Variants in PTPRA observed in about 807,000 individuals in gnomAD.
The protein encoded by PTPRA is protein tyrosine phosphatase receptor type A.
In PTPRA, 25 loss-of-function variants were observed where a neutral mutation model predicts 104.8. The observed-to-expected ratio is 0.24, with a 90% CI of 0.17 to 0.33. The LOEUF is 0.33. Ranked by LOEUF, PTPRA falls within the 10% of genes least tolerant of loss-of-function variation. The pLI, the probability that PTPRA is intolerant of heterozygous loss-of-function variation, is 1.00. For missense variants in PTPRA, 765 were observed against 1,015.3 expected (o/e 0.75, Z 3.35); for synonymous variants, 323 against 368.9 (o/e 0.88, Z 1.43).
At chr20:3,016,976 TTTA>T (rs1167280727) in intron 12 of PTPRA, among the ~76,000 whole-genome samples, 2 of 152,156 alleles carry the variant, frequency 1.3e-5, no homozygotes, top group East Asian at 1.9e-4. Context: ...GGTTAAGGTA[TTTA>T]TTATTATTAT....
intron 5 of PTPRA, among the ~76,000 whole-genome samples, chr20:2,970,788 C>A (rs1568675731): frequency 6.6e-6 from 1 of 151,386 alleles, no homozygotes; most frequent in East Asian, 1.9e-4. Context: ...TAATTTTCTT[C>A]TGGACTTCTA....
intron 3 of PTPRA, among the ~76,000 whole-genome samples, chr20:2,961,530 A>G (rs945400444): frequency 2.6e-5 from 4 of 152,274 alleles, no homozygotes; most frequent in African/African-American, 4.8e-5. Flanking sequence ...TGTCAGATCT[A>G]TCTTTTGCAA....
At chr20:2,956,431 A>G (rs1222517482) in intron 3 of PTPRA, among the ~76,000 whole-genome samples, 5 of 147,666 alleles carry the variant, frequency 3.4e-5, no homozygotes, top group Non-Finnish European at 7.4e-5. Context: ...CATGTCTGCC[A>G]TTTTTACATT....
chr20:3,027,275 A>G (rs1048509053), intron 19 of PTPRA, 78 bp downstream of exon 19: 3 of 1,366,378 alleles, frequency 2.2e-6, no homozygotes, highest in South Asian at 1.2e-5. Context: ...TCCCTCCCAT[A>G]CCTGCTGGGG....
intron 9 of PTPRA, among the ~76,000 whole-genome samples, chr20:2,998,276 G>A (rs1378235750): frequency 6.6e-6 from 1 of 151,778 alleles, no homozygotes. Flanking sequence ...GTCAGAATCT[G>A]TGCGATGTGA....
At position 2,913,754 on chromosome 20, in the gene PTPRA, G is replaced by A. The variant is rs565989119; in HGVS notation, c.-128-9453G>A. 7.9e-5 allele frequency among the ~76,000 whole-genome samples: 12 copies of A among 152,212 alleles called. No homozygotes were observed. In the East Asian group the frequency reaches 2.3e-3, roughly 29 times the overall value. Reference sequence around the variant, plus strand: ...TGGTCACTTGATTAAGATTGTGTCTGCCAGTTTTCTCTACCATACATTTAA... The same window carrying A: ...TGGTCACTTGATTAAGATTGTGTCTACCAGTTTTCTCTACCATACATTTAA... On this transcript the variant is annotated intron_variant, in intron 1 of 23. Coordinates refer to ENST00000399903, the MANE Select transcript of PTPRA (RefSeq NM_001385305.1).
chr20:2,874,537 G>A (rs1568634707), intron 1 of PTPRA, among the ~76,000 whole-genome samples: 1 of 152,168 alleles, frequency 6.6e-6, no homozygotes, highest in Non-Finnish European at 1.5e-5. Flanking sequence ...CCTTTGCTCA[G>A]GAGAGGGATT....
At chr20:2,921,575 C>T (rs1050916812) in intron 1 of PTPRA, among the ~76,000 whole-genome samples, 1 of 151,298 alleles carries the variant, frequency 6.6e-6, no homozygotes, top group Non-Finnish European at 1.5e-5. Context: ...ACTCTTTTTT[C>T]CCCCCAGTGA....
rs1364265944 is a variant in PTPRA at position 2,888,228 on chromosome 20, C to T, written c.-129+14468C>T. On this transcript the variant is annotated intron_variant, in intron 1 of 23. Coordinates refer to ENST00000399903, the MANE Select transcript of PTPRA (RefSeq NM_001385305.1). Reference sequence around the variant, plus strand: ...TGTGAACCCCTAAATCAGTGATTCTCAATATGACTGACATGGTGGGGAAGA... The same window carrying T: ...TGTGAACCCCTAAATCAGTGATTCTTAATATGACTGACATGGTGGGGAAGA... Among the ~76,000 whole-genome samples, 4 of 152,092 alleles carry T rather than the reference C, an allele frequency of 2.6e-5. 1 individual carries two copies. The highest frequency in any genetic ancestry group is 5.9e-5 in the Non-Finnish European group (4 of 68,030).
At chr20:3,029,907 C>T (rs1045320374) in intron 20 of PTPRA, among the ~76,000 whole-genome samples, 1 of 152,148 alleles carries the variant, frequency 6.6e-6, no homozygotes, top group African/African-American at 2.4e-5. Context: ...AGGAAGCACA[C>T]ACCTGAGTAA....
intron 3 of PTPRA, among the ~76,000 whole-genome samples, chr20:2,958,034 A>G (rs1421583683): frequency 1.3e-5 from 2 of 152,132 alleles, no homozygotes; most frequent in Non-Finnish European, 2.9e-5. Context: ...GTGTAAAAGA[A>G]GAACAGTGTA....
intron 6 of PTPRA, among the ~76,000 whole-genome samples, chr20:2,980,509 C>G (rs1215414021): frequency 6.6e-6 from 1 of 151,780 alleles, no homozygotes; most frequent in African/African-American, 2.4e-5. Context: ...AAGATCACGC[C>G]AGTGCACTTC....
intron 2 of PTPRA, among the ~76,000 whole-genome samples, chr20:2,932,743 C>G (rs1419522649): frequency 2.6e-5 from 4 of 152,122 alleles, no homozygotes; most frequent in Non-Finnish European, 5.9e-5. Context: ...GTGTGATACT[C>G]CTAAGCAGTA....
intron 18 of PTPRA, 99 bp from the exon 19 acceptor site, chr20:3,027,022 C>G: frequency 1.5e-6 from 2 of 1,304,874 alleles, no homozygotes; most frequent in Non-Finnish European, 2.2e-6. Context: ...CCTTGCCCAG[C>G]TGGGATTCTG....
chr20:2,885,935 G>C (rs1209374932), intron 1 of PTPRA, among the ~76,000 whole-genome samples: 1 of 152,080 alleles, frequency 6.6e-6, no homozygotes, highest in Non-Finnish European at 1.5e-5. Flanking sequence ...GTGGTGGCAC[G>C]CACCTATAAT....
At chr20:3,023,812 GTC>G (rs2065003889) in intron 16 of PTPRA, among the ~76,000 whole-genome samples, 1 of 152,194 alleles carries the variant, frequency 6.6e-6, no homozygotes, top group Admixed American at 6.5e-5. Flanking sequence ...TCTATACTTT[GTC>G]TCTGTGTCTT....
In PTPRA at chr20:2,901,883, A is replaced by AT. The variant is rs1251524393; in HGVS notation, c.-128-21318dup. On this transcript the variant is annotated intron_variant, in intron 1 of 23. Coordinates refer to ENST00000399903, the MANE Select transcript of PTPRA (RefSeq NM_001385305.1). ...TCTTGTTGGTGTAGCTTTTATTGTG[A>AT]TTTTTTCTTTTTTTTTTTTGGATAC... 1.1e-4 allele frequency among the ~76,000 whole-genome samples: 16 copies of AT among 149,820 alleles called. No individual in the cohort carries two copies. In the South Asian group the frequency reaches 2.7e-3, roughly 26 times the overall value.
intron 3 of PTPRA, among the ~76,000 whole-genome samples, chr20:2,955,355 T>G (rs1169697110): frequency 6.6e-6 from 1 of 152,252 alleles, no homozygotes; most frequent in Non-Finnish European, 1.5e-5. Flanking sequence ...GCCTCCAGAC[T>G]CATCTCTTTC....
Position 3,038,344 on chromosome 20 carries a change from G to A in PTPRA, c.*211G>A. ...ATGTTTTATTGGGGAATTAAATAGT[G>A]TGATGTTTGGATTGATATCGTGAAA... On this transcript the variant is annotated 3_prime_UTR_variant, in exon 24 of 24. Coordinates refer to ENST00000399903, the MANE Select transcript of PTPRA (RefSeq NM_001385305.1). 1 of 490,274 alleles carries A rather than the reference G, an allele frequency of 2.0e-6. No homozygotes were observed. Among genetic ancestry groups the A allele is most frequent in the South Asian group, 2.6e-5 (1 of 38,724 alleles). The allele number at this position is 490,274 out of a possible 1,614,324, so 30.4% of individuals were successfully genotyped here.
Sources: gnomAD v4.1 joint callset for allele counts (sites outside exome capture counted in the v4.1 genomes callset) on GRCh38, gnomAD v4.1.1 for gene constraint, MANE v1.5 for transcripts, NCBI Gene and HGNC (gene_info 2026-07-23, HGNC 2026-07-21) for gene names.